Variants in DOCK10 observed in about 807,000 individuals in gnomAD.
DOCK10 encodes the protein dedicator of cytokinesis 10.
Under a neutral mutation model 280.1 loss-of-function variants are expected in DOCK10, and 145 were observed. The observed-to-expected ratio is 0.52, with a 90% CI of 0.45 to 0.59. DOCK10 has a LOEUF of 0.59. Ranked by LOEUF, DOCK10 falls within the 20% of genes least tolerant of loss-of-function variation. The pLI is 0.00. For synonymous variants in DOCK10, 915 were observed against 942.2 expected (o/e 0.97, Z 0.53); for missense variants, 2,368 against 2,651.7 (o/e 0.89, Z 2.35).
chr2:224,880,764 T>C (rs1429059057), intron 7 of DOCK10, among the ~76,000 whole-genome samples: 1 of 152,204 alleles, frequency 6.6e-6, no homozygotes, highest in Non-Finnish European at 1.5e-5. Flanking sequence ...AAGCCAATGG[T>C]GGACTGAATA....
chr2:225,019,299 C>T (rs1689721221), intron 1 of DOCK10, among the ~76,000 whole-genome samples: 1 of 152,030 alleles, frequency 6.6e-6, no homozygotes, highest in Non-Finnish European at 1.5e-5. Context: ...GTTTCCTGAA[C>T]AGATATGGAG....
chr2:224,840,608 A>G (rs1056417079), intron 23 of DOCK10, among the ~76,000 whole-genome samples: 1 of 152,228 alleles, frequency 6.6e-6, no homozygotes, highest in East Asian at 1.9e-4. Context: ...AAGGTGAAAG[A>G]TAATAATTAT....
At chr2:224,876,627 C>T (rs1698648182) in intron 7 of DOCK10, among the ~76,000 whole-genome samples, 1 of 152,204 alleles carries the variant, frequency 6.6e-6, no homozygotes, top group Admixed American at 6.5e-5. Context: ...AGGTCACTAA[C>T]AGGCCCTATG....
intron 23 of DOCK10, among the ~76,000 whole-genome samples, chr2:224,841,205 G>A (rs1695940165): frequency 6.6e-6 from 1 of 152,096 alleles, no homozygotes; most frequent in Non-Finnish European, 1.5e-5. Flanking sequence ...TAATAAAAAT[G>A]TGTTATATTC....
At chr2:224,976,789 G>T (rs1359019332) in intron 1 of DOCK10, among the ~76,000 whole-genome samples, 1 of 152,038 alleles carries the variant, frequency 6.6e-6, no homozygotes, top group Non-Finnish European at 1.5e-5. Context: ...GGCTTGGTGG[G>T]CCATATATGG....
At chr2:224,981,409 G>A (rs886344711) in intron 1 of DOCK10, among the ~76,000 whole-genome samples, 2 of 152,004 alleles carry the variant, frequency 1.3e-5, no homozygotes, top group Admixed American at 6.6e-5. Context: ...TGAAATCTAA[G>A]AGAAAAAAGT....
chr2:224,880,747 A>C (rs1698930290), intron 7 of DOCK10, among the ~76,000 whole-genome samples: 2 of 152,222 alleles, frequency 1.3e-5, no homozygotes, highest in African/African-American at 4.8e-5. Context: ...CTCCAAGAAA[A>C]TCACTCAAGC....
At chr2:224,889,858 C>T (rs369892016) in intron 4 of DOCK10, among the ~76,000 whole-genome samples, 1 of 152,236 alleles carries the variant, frequency 6.6e-6, no homozygotes, top group Non-Finnish European at 1.5e-5. Context: ...CCCTCTCCCC[C>T]ACTCCTGTGA....
chr2:224,897,349 C>T (rs1700045095), intron 3 of DOCK10, among the ~76,000 whole-genome samples: 1 of 152,036 alleles, frequency 6.6e-6, no homozygotes, highest in Non-Finnish European at 1.5e-5. Flanking sequence ...GTGTAATAAC[C>T]ACATCATGGA....
rs769545283 is a variant in DOCK10 at position 224,803,994 on chromosome 2, AGAAATATG to A, written c.4268+110_4268+117del. The A allele has an allele frequency of 4.4e-3, 2,560 of 586,042 alleles. 20 individuals carry two copies. Among genetic ancestry groups the A allele is most frequent in the African/African-American group, 0.037 (1,634 of 44,342 alleles). 36.3% of individuals were successfully genotyped at this position (586,042 alleles called of 1,614,324 possible). On this transcript the variant is annotated intron_variant, in intron 39 of 55. Transcript: ENST00000258390. ...CTGCACTTGGTTTGAATATATAAATAGAAATATGTGTGTGTGTGTGTGTGTGTGTGTGT... is the reference window on the plus strand; with the variant it reads ...CTGCACTTGGTTTGAATATATAAATATGTGTGTGTGTGTGTGTGTGTGTGT...
At chr2:224,996,083 TAA>T (rs890280808) in intron 1 of DOCK10, among the ~76,000 whole-genome samples, 2 of 152,184 alleles carry the variant, frequency 1.3e-5, no homozygotes, top group Admixed American at 1.3e-4. Context: ...GCTTATGCAA[TAA>T]AAGTCTCATT....
chr2:224,870,226 A>AT (rs959739582), intron 11 of DOCK10, among the ~76,000 whole-genome samples: 33 of 152,216 alleles, frequency 2.2e-4, no homozygotes, highest in African/African-American at 7.0e-4. Flanking sequence ...GACATGTTTG[A>AT]TTCCCCTTCC....
chr2:224,911,986 G>C (rs1044483019), intron 3 of DOCK10, among the ~76,000 whole-genome samples: 25 of 152,040 alleles, frequency 1.6e-4, no homozygotes, highest in Non-Finnish European at 3.1e-4. Flanking sequence ...ATTTTCATCA[G>C]CAAACTAAAA....
intron 21 of DOCK10, 143 bp downstream of exon 21, chr2:224,845,060 C>A (rs1406722652): frequency 2.1e-5 from 20 of 955,666 alleles, no homozygotes; most frequent in Non-Finnish European, 1.9e-5. Flanking sequence ...ATAAGCTAAA[C>A]AAGAGATGTG....
At chr2:224,969,323 T>C (rs1463873562) in intron 1 of DOCK10, among the ~76,000 whole-genome samples, 1 of 152,216 alleles carries the variant, frequency 6.6e-6, no homozygotes, top group Non-Finnish European at 1.5e-5. Context: ...ACCACATCTG[T>C]AGCGAACATC....
intron 55 of DOCK10, among the ~76,000 whole-genome samples, chr2:224,768,248 T>C (rs1426396828): frequency 6.6e-6 from 1 of 152,164 alleles, no homozygotes; most frequent in African/African-American, 2.4e-5. Flanking sequence ...ATAGAATTTT[T>C]TTCCTTTGTT....
intron 11 of DOCK10, among the ~76,000 whole-genome samples, chr2:224,873,685 T>C (rs989286191): frequency 4.0e-5 from 6 of 151,678 alleles, no homozygotes; most frequent in Non-Finnish European, 7.4e-5. Flanking sequence ...ACTGTGCTGA[T>C]TTCATAGAAT....
chr2:224,789,911 G>C (rs747033722), intron 47 of DOCK10, among the ~76,000 whole-genome samples: 1 of 152,030 alleles, frequency 6.6e-6, no homozygotes, highest in Non-Finnish European at 1.5e-5. Context: ...CTCCTGAGTA[G>C]CTGGCATTAC....
intron 1 of DOCK10, among the ~76,000 whole-genome samples, chr2:224,978,245 C>T (rs1161503518): frequency 6.6e-6 from 1 of 151,978 alleles, no homozygotes; most frequent in Non-Finnish European, 1.5e-5. Flanking sequence ...CCAGCCTGGC[C>T]CACATGGTGA....
Sources: allele counts gnomAD v4.1 joint callset (sites outside exome capture counted in the v4.1 genomes callset), GRCh38; gene constraint gnomAD v4.1.1; transcripts MANE v1.5; gene names NCBI Gene and HGNC (gene_info 2026-07-23, HGNC 2026-07-21).